The following COA1 variants were observed in gnomAD, a reference collection of about 807,000 sequenced individuals.
COA1 encodes cytochrome c oxidase assembly factor 1.
Under a neutral mutation model 16.0 loss-of-function variants are expected in COA1, and 13 were observed. The ratio of observed to expected loss-of-function variants is 0.81; its 90% CI spans 0.53 to 1.29. The LOEUF (loss-of-function observed/expected upper bound fraction) is 1.29. Among genes scored for constraint, COA1 ranks in the 50% most tolerant of loss-of-function variants. The pLI, the probability that COA1 is intolerant of heterozygous loss-of-function variation, is 0.00. For synonymous variants in COA1, 65 were observed against 65.7 expected (o/e 0.99, Z 0.05); for missense variants, 179 against 177.0 (o/e 1.01, Z -0.06).
intron 6 of COA1, among the ~76,000 whole-genome samples, chr7:43,634,068 C>T (rs976296461): frequency 1.3e-5 from 2 of 152,150 alleles, no homozygotes; most frequent in Admixed American, 1.3e-4. Context: ...TCTTCTAAGA[C>T]TTCCTATTTT....
downstream of COA1, among the ~76,000 whole-genome samples, chr7:43,638,371 G>C (rs1247024103): frequency 6.6e-6 from 1 of 152,064 alleles, no homozygotes; most frequent in Non-Finnish European, 1.5e-5. Context: ...TTTCAAAGCA[G>C]ATACCAGATT....
At chr7:43,710,084 G>A (rs1018088991) in intron 1 of COA1, among the ~76,000 whole-genome samples, 2 of 151,778 alleles carry the variant, frequency 1.3e-5, no homozygotes, top group East Asian at 3.9e-4. Context: ...ATGCGGTGGC[G>A]CACACCTGTA....
intron 1 of COA1, among the ~76,000 whole-genome samples, chr7:43,703,687 T>C (rs62461096): frequency 0.085 from 12,982 of 152,252 alleles, 653 homozygotes; most frequent in East Asian, 0.19. Flanking sequence ...GTTTTCTGTT[T>C]GCTTACTTGA....
At chr7:43,619,822 C>A in intron 6 of COA1, 1 of 1,420,826 alleles carries the variant, frequency 7.0e-7, no homozygotes, top group Non-Finnish European at 9.5e-7. Context: ...CAGCTATCTA[C>A]TATGTTGAAA....
At chr7:43,687,431 G>T (rs1417389920) in intron 1 of COA1, among the ~76,000 whole-genome samples, 1 of 152,174 alleles carries the variant, frequency 6.6e-6, no homozygotes, top group Non-Finnish European at 1.5e-5. Context: ...AGAAAGATCA[G>T]AGGGAGAGAG....
intron 1 of COA1, among the ~76,000 whole-genome samples, chr7:43,702,442 C>A (rs1380654236): frequency 6.6e-6 from 1 of 152,056 alleles, no homozygotes; most frequent in Non-Finnish European, 1.5e-5. Context: ...CTATTCTGTT[C>A]CATTGGTCTA....
intron 1 of COA1, among the ~76,000 whole-genome samples, chr7:43,667,128 A>G (rs1191979532): frequency 1.3e-5 from 2 of 152,242 alleles, no homozygotes; most frequent in Non-Finnish European, 2.9e-5. Flanking sequence ...TTTCCATGTC[A>G]TGGTAAAGGC....
intron 6 of COA1, among the ~76,000 whole-genome samples, chr7:43,610,703 CTTTG>C (rs756997670): frequency 3.2e-4 from 49 of 152,094 alleles, no homozygotes; most frequent in Admixed American, 3.3e-4. Context: ...TCCGTAATAC[CTTTG>C]TTTATTTATA....
intron 1 of COA1, among the ~76,000 whole-genome samples, chr7:43,711,077 T>C (rs2095231952): frequency 6.6e-6 from 1 of 152,046 alleles, no homozygotes; most frequent in Non-Finnish European, 1.5e-5. Flanking sequence ...ACATGTAATA[T>C]CCCATCCCAC....
At chr7:43,645,422 T>G (rs890654779) in intron 3 of COA1, 23 bp from the exon 4 acceptor site, 17 of 1,611,678 alleles carry the variant, frequency 1.1e-5, no homozygotes, top group Non-Finnish European at 1.4e-5. Context: ...GACACACTTA[T>G]TTTCTTTATT....
intron 1 of COA1, among the ~76,000 whole-genome samples, chr7:43,685,154 T>TA (rs35252235): frequency 0.029 from 3,623 of 127,044 alleles, 61 homozygotes; most frequent in African/African-American, 0.055. Context: ...TCCCATCTCT[T>TA]AAAAAAAAAA....
In COA1 at chr7:43,691,419, GAAAAAGAAAGA is replaced by G. The variant is rs1225764687; in HGVS notation, c.-39+37999_-39+38009del. On this transcript the variant is annotated intron_variant, in intron 1 of 5. Transcript: ENST00000223336. ...AGGAAGGAAGGAAGGAAGGAAGAAA[GAAAAAGAAAGA>G]AAGAAAGAAAGAAAGAAAGAAAGAA... Among the ~76,000 whole-genome samples the G allele has an allele frequency of 2.6e-3, 212 of 82,268 alleles. 8 individuals carry two copies. In the East Asian group the frequency reaches 0.047, roughly 18 times the overall value. 54.0% of individuals were successfully genotyped at this position (82,268 alleles called of 152,430 possible). A position where few individuals can be genotyped will look rare whatever the true frequency, so the allele number is the denominator to read the frequency against.
intron 1 of COA1, among the ~76,000 whole-genome samples, chr7:43,691,493 T>C (rs2094368190): frequency 6.6e-6 from 1 of 151,218 alleles, no homozygotes; most frequent in Admixed American, 6.6e-5. Flanking sequence ...ATCATCAATA[T>C]AACATTTTCC....
chr7:43,711,168 G>C (rs185297216), intron 1 of COA1, among the ~76,000 whole-genome samples: 1 of 151,678 alleles, frequency 6.6e-6, no homozygotes, highest in Admixed American at 6.6e-5. Context: ...TTAAAATGAG[G>C]GTATTAAAGG....
At chr7:43,652,690 C>T (rs1216460142) in intron 1 of COA1, among the ~76,000 whole-genome samples, 1 of 151,568 alleles carries the variant, frequency 6.6e-6, no homozygotes, top group Non-Finnish European at 1.5e-5. Context: ...ATCAATATAT[C>T]CCCAAGTTAT....
intron 1 of COA1, among the ~76,000 whole-genome samples, chr7:43,652,494 G>A (rs10254929): frequency 0.15 from 22,352 of 152,174 alleles, 2,193 homozygotes; most frequent in Non-Finnish European, 0.21. Flanking sequence ...CTTGCTTATG[G>A]TCATGCAGCT....
At chr7:43,635,713 T>C (rs998686210), downstream of COA1, among the ~76,000 whole-genome samples, 1 of 152,214 alleles carries the variant, frequency 6.6e-6, no homozygotes, top group Non-Finnish European at 1.5e-5. Context: ...ATCACTGGAC[T>C]CAGTTCACTA....
intron 1 of COA1, among the ~76,000 whole-genome samples, chr7:43,724,295 G>A (rs1433593499): frequency 6.6e-6 from 1 of 152,138 alleles, no homozygotes; most frequent in East Asian, 1.9e-4. Context: ...GCTCACACCT[G>A]TTATCCCAGC....
intron 1 of COA1, among the ~76,000 whole-genome samples, chr7:43,683,397 CCGAGGCAG>C (rs2093861253): frequency 6.6e-6 from 1 of 151,954 alleles, no homozygotes; most frequent in Non-Finnish European, 1.5e-5. Flanking sequence ...CTTTGGGTGG[CCGAGGCAG>C]GTGGATCACG....
Sources: gnomAD v4.1 joint callset for allele counts (sites outside exome capture counted in the v4.1 genomes callset) on GRCh38, gnomAD v4.1.1 for gene constraint, MANE v1.5 for transcripts, NCBI Gene and HGNC (gene_info 2026-07-23, HGNC 2026-07-21) for gene names.